Variants in REPS2 observed in about 807,000 individuals in gnomAD.
REPS2 encodes the protein ralBP1-associated Eps domain-containing protein 2.
Under a neutral mutation model 53.6 loss-of-function variants are expected in REPS2, and 23 were observed. The ratio of observed to expected loss-of-function variants is 0.43; its 90% CI spans 0.31 to 0.61. REPS2 has a LOEUF of 0.61. Ranked by LOEUF, REPS2 falls within the 20% of genes least tolerant of loss-of-function variation. The probability of loss-of-function intolerance (pLI) is 0.11; values close to 1 mark genes in which losing one functional copy is unlikely to be tolerated. For synonymous variants in REPS2, 238 were observed against 218.6 expected, an observed-to-expected ratio of 1.09 and a Z score of -0.78; for missense variants, 446 against 534.9, an observed-to-expected ratio of 0.83 and a Z score of 1.64.
chrX:17,029,472 A>T (rs2061682433), intron 4 of REPS2, 54 bp from the exon 5 acceptor site: 1 of 880,597 alleles, frequency 1.1e-6, no homozygotes, highest in South Asian at 2.1e-5. Flanking sequence ...TGAAGTCATA[A>T]TTTTTGAATG....
At chrX:16,964,022 A>C (rs1347641712) in intron 1 of REPS2, among the ~76,000 whole-genome samples, 1 of 108,537 alleles carries the variant, frequency 9.2e-6, no homozygotes, top group Non-Finnish European at 1.9e-5. Context: ...ATTTAATTTA[A>C]TTTTATTATT....
At position 17,047,485 on chromosome X, in the gene REPS2, A is replaced by G; in HGVS notation, c.907+3A>G. ...AGACCCAAGCTCTTTCATTTCAGGT[A>G]AGAATGTGGGCTCCCTAGGCATCAC... On this transcript the variant is annotated splice_donor_region_variant and intron_variant, in intron 6 of 17. Coordinates refer to ENST00000357277, the MANE Select transcript of REPS2 (RefSeq NM_004726.3). 2 of 1,209,408 alleles carry G rather than the reference A, an allele frequency of 1.7e-6. No individual in the cohort carries two copies. The highest frequency in any genetic ancestry group is 2.2e-6 in the Non-Finnish European group (2 of 894,637).
intron 14 of REPS2, among the ~76,000 whole-genome samples, chrX:17,105,932 A>G (rs2062868468): frequency 8.9e-6 from 1 of 111,985 alleles, no homozygotes; most frequent in Non-Finnish European, 1.9e-5. Flanking sequence ...TGCTTGTGAT[A>G]AAACAGTCTC....
chrX:17,144,001 G>A (rs184343535), intron 17 of REPS2, among the ~76,000 whole-genome samples: 1 of 112,657 alleles, frequency 8.9e-6, no homozygotes, highest in African/African-American at 3.2e-5. Context: ...TTCATTGTAC[G>A]TTGTAAGGCT....
intron 14 of REPS2, among the ~76,000 whole-genome samples, chrX:17,125,624 C>T (rs769050888): frequency 8.0e-5 from 9 of 112,539 alleles, no homozygotes; most frequent in Non-Finnish European, 1.7e-4. Context: ...CTAGAACAAA[C>T]ATAATTAAGT....
chrX:16,963,564 T>C (rs1411307611), intron 1 of REPS2, among the ~76,000 whole-genome samples: 1 of 112,400 alleles, frequency 8.9e-6, no homozygotes, highest in Non-Finnish European at 1.9e-5. Context: ...TCTCTCAAAA[T>C]GTAATTTTAT....
At chrX:16,954,438 C>T (rs2060566068) in intron 1 of REPS2, among the ~76,000 whole-genome samples, 1 of 111,928 alleles carries the variant, frequency 8.9e-6, no homozygotes, top group Non-Finnish European at 1.9e-5. Flanking sequence ...AAGTCGCAAA[C>T]ATCATATGGT....
At chrX:17,106,577 T>C (rs778047247) in intron 14 of REPS2, among the ~76,000 whole-genome samples, 11 of 108,799 alleles carry the variant, frequency 1.0e-4, no homozygotes, top group Admixed American at 3.0e-4. Flanking sequence ...CCACGCCCGG[T>C]TAATTTTCTG....
chrX:17,186,676 G>A, the REPS2 span, among the ~76,000 whole-genome samples: 2 of 112,009 alleles, frequency 1.8e-5, no homozygotes, highest in Non-Finnish European at 3.8e-5. Context: ...TAAAGTTATT[G>A]TGTCCGTTTC....
intron 5 of REPS2, among the ~76,000 whole-genome samples, chrX:17,031,322 G>A (rs1237303824): frequency 8.9e-6 from 1 of 111,914 alleles, no homozygotes; most frequent in African/African-American, 3.2e-5. Flanking sequence ...GTGTGACTGG[G>A]CTCACTAGAC....
At chrX:17,016,656 A>G (rs2147828343) in intron 2 of REPS2, among the ~76,000 whole-genome samples, 1 of 110,824 alleles carries the variant, frequency 9.0e-6, no homozygotes, top group African/African-American at 3.3e-5. Flanking sequence ...TGATCCACCC[A>G]TCTTGGTCTC....
chrX:17,192,730 G>A, the REPS2 span, among the ~76,000 whole-genome samples: 1 of 111,917 alleles, frequency 8.9e-6, no homozygotes, highest in Non-Finnish European at 1.9e-5. Flanking sequence ...CCCACATGAA[G>A]GTATAGAACC....
chrX:17,059,578 C>T (rs2062128291), intron 8 of REPS2, among the ~76,000 whole-genome samples: 1 of 110,260 alleles, frequency 9.1e-6, no homozygotes, highest in African/African-American at 3.3e-5. Flanking sequence ...AGCAATTCTC[C>T]TGCCTCAGCC....
Position 17,121,792 on chromosome X carries a change from A to C in REPS2, c.1579-12032A>C, listed in dbSNP as rs2063144460. Among the ~76,000 whole-genome samples the C allele has an allele frequency of 2.7e-5, 3 of 110,823 alleles. No individual in the cohort carries two copies. The Admixed American group carries it at 2.9e-4, about 11-fold the overall frequency. On this transcript the variant is annotated intron_variant, in intron 14 of 17. Coordinates refer to ENST00000357277, the MANE Select transcript of REPS2 (RefSeq NM_004726.3). ...AGTGGCATGATCTCAGCTCACTGCA[A>C]CCTCCGCTTCCCGGGTTCAAGCAAT...
chrX:17,018,259 T>C (rs2061526217), intron 2 of REPS2, among the ~76,000 whole-genome samples: 1 of 106,012 alleles, frequency 9.4e-6, no homozygotes, highest in African/African-American at 3.5e-5. Flanking sequence ...TGATCATGGC[T>C]TACTGCTACC....
At chrX:17,050,194 C>CTTTCTTTCTTTCTTTCTTTT (rs1223989029) in intron 6 of REPS2, among the ~76,000 whole-genome samples, 1 of 51,796 alleles carries the variant, frequency 1.9e-5, no homozygotes, top group African/African-American at 9.5e-5. Flanking sequence ...TTCTTTCTTT[C>CTTTCTTTCTTTCTTTCTTTT]TTTTTTTTTT....
At chrX:17,173,442 A>C in the REPS2 span, among the ~76,000 whole-genome samples, 1 of 112,503 alleles carries the variant, frequency 8.9e-6, no homozygotes, top group Non-Finnish European at 1.9e-5. Flanking sequence ...AGTTCATAAC[A>C]TGGTGGTTTG....
chrX:17,101,820 T>C (rs759553349), intron 13 of REPS2, among the ~76,000 whole-genome samples: 1 of 111,328 alleles, frequency 9.0e-6, no homozygotes, highest in African/African-American at 3.3e-5. Flanking sequence ...GTTTCATATT[T>C]TTTTTTCTAT....
intron 1 of REPS2, 111 bp from the exon 2 acceptor site, chrX:17,006,110 A>G: frequency 1.2e-6 from 1 of 865,961 alleles, no homozygotes; most frequent in Non-Finnish European, 1.6e-6. Flanking sequence ...TTCTCAAGGG[A>G]CTTTTTTGGT....
Sources: allele counts gnomAD v4.1 joint callset (sites outside exome capture counted in the v4.1 genomes callset), GRCh38; gene constraint gnomAD v4.1.1; transcripts MANE v1.5; gene names NCBI Gene and HGNC (gene_info 2026-07-23, HGNC 2026-07-21).